Variants in MACROD2 observed in about 807,000 individuals in gnomAD.
MACROD2 encodes ADP-ribose glycohydrolase MACROD2.
Under a neutral mutation model 70.4 loss-of-function variants are expected in MACROD2, and 36 were observed. The ratio of observed to expected loss-of-function variants is 0.51; its 90% CI spans 0.39 to 0.68. The LOEUF is 0.68. MACROD2 is among the 30% of genes least tolerant of loss of function. The pLI is 0.00. For missense variants in MACROD2, 496 were observed against 538.4 expected (o/e 0.92, Z 0.78); for synonymous variants, 172 against 178.8 (o/e 0.96, Z 0.30).
chr20:15,967,699 A>C (rs911480304), intron 13 of MACROD2, 69 bp downstream of exon 13: 31 of 1,291,022 alleles, frequency 2.4e-5, no homozygotes, highest in African/African-American at 1.8e-4. Flanking sequence ...AAAAAAAAAA[A>C]AACCCACAGA....
chr20:16,042,098 A>G (rs552810161), intron 16 of MACROD2, among the ~76,000 whole-genome samples: 1 of 152,188 alleles, frequency 6.6e-6, no homozygotes, highest in South Asian at 2.1e-4. Flanking sequence ...AATTTAGCCA[A>G]TGGTGGATGT....
rs4405821 is a variant in MACROD2, at chr20:14,027,319, C to G, written c.163+24915C>G. 2.0e-5 allele frequency among the ~76,000 whole-genome samples: 3 copies of G among 151,752 alleles called. No individual in the cohort carries two copies. In the South Asian group the frequency reaches 6.2e-4, roughly 31 times the overall value. On this transcript the variant is annotated intron_variant, in intron 2 of 17. Transcript: ENST00000684519. The stretch of plus-strand genomic sequence containing the variant: ...GTTTTTCAGCTCCATCAGGTCATTT[C>G]TGTTTTTCTCTAAACTGGTTATTCT...
At chr20:15,473,372 G>T (rs1254375109) in intron 7 of MACROD2, among the ~76,000 whole-genome samples, 1 of 152,146 alleles carries the variant, frequency 6.6e-6, no homozygotes, top group African/African-American at 2.4e-5. Context: ...TGAAAGGGCT[G>T]GGATTATAAG....
At chr20:14,468,758 C>T (rs2084490351) in intron 3 of MACROD2, among the ~76,000 whole-genome samples, 1 of 152,072 alleles carries the variant, frequency 6.6e-6, no homozygotes, top group African/African-American at 2.4e-5. Context: ...GATCCACCCG[C>T]CTTGGCCTCC....
At chr20:14,215,526 C>G (rs568851121) in intron 3 of MACROD2, among the ~76,000 whole-genome samples, 2 of 152,240 alleles carry the variant, frequency 1.3e-5, no homozygotes, top group East Asian at 1.9e-4. Context: ...GGTACCCCCC[C>G]AGTAATGGGA....
At chr20:15,968,543 C>G (rs1042245690) in intron 13 of MACROD2, among the ~76,000 whole-genome samples, 9 of 151,498 alleles carry the variant, frequency 5.9e-5, no homozygotes, top group Admixed American at 1.3e-4. Flanking sequence ...ATTAAATGTA[C>G]AAAAATGTTG....
chr20:15,632,112 C>T (rs2049299414), intron 8 of MACROD2, among the ~76,000 whole-genome samples: 2 of 151,408 alleles, frequency 1.3e-5, no homozygotes, highest in Non-Finnish European at 2.9e-5. Context: ...GCACTCCAGC[C>T]TGGGCAACAA....
rs138443557 is a variant in MACROD2, at chr20:14,080,107, G to T, written c.164-5514G>T. ...CTATAGTTCTTATAGGAAAAATATG[G>T]TAGTGCTTGGCTTGACTTTTAATCT... On this transcript the variant is annotated intron_variant, in intron 2 of 17. Coordinates refer to ENST00000684519, the MANE Select transcript of MACROD2 (RefSeq NM_001351661.2). Among the ~76,000 whole-genome samples, 108 of 152,194 alleles carry T rather than the reference G, an allele frequency of 7.1e-4. 1 individual carries two copies. The highest frequency in any genetic ancestry group is 2.5e-3 in the African/African-American group (102 of 41,550).
chr20:15,018,946 G>A (rs544745022), intron 5 of MACROD2, among the ~76,000 whole-genome samples: 9 of 152,240 alleles, frequency 5.9e-5, no homozygotes, highest in Admixed American at 1.3e-4. Context: ...GGCATCCCTC[G>A]AAGCTGAGCA....
At chr20:14,627,478 T>A (rs970230929) in intron 4 of MACROD2, among the ~76,000 whole-genome samples, 3 of 152,124 alleles carry the variant, frequency 2.0e-5, no homozygotes, top group African/African-American at 7.2e-5. Context: ...GCCTTGTAGT[T>A]CACCTTCTCC....
intron 5 of MACROD2, among the ~76,000 whole-genome samples, chr20:14,727,445 G>C (rs2071543353): frequency 6.6e-6 from 1 of 151,978 alleles, no homozygotes; most frequent in Non-Finnish European, 1.5e-5. Context: ...TGAGGTAGGA[G>C]GATCATTTGA....
At chr20:14,908,194 A>C (rs2073982752) in intron 5 of MACROD2, among the ~76,000 whole-genome samples, 1 of 151,992 alleles carries the variant, frequency 6.6e-6, no homozygotes, top group African/African-American at 2.4e-5. Flanking sequence ...CAATACAAAA[A>C]TTAGCTGGGC....
intron 2 of MACROD2, among the ~76,000 whole-genome samples, chr20:14,071,140 A>G (rs2053831521): frequency 6.6e-6 from 1 of 152,160 alleles, no homozygotes; most frequent in Non-Finnish European, 1.5e-5. Context: ...GAAGTTTGAA[A>G]TGTAAAATAT....
At chr20:15,842,787 C>A (rs991682158) in intron 8 of MACROD2, among the ~76,000 whole-genome samples, 1 of 151,738 alleles carries the variant, frequency 6.6e-6, no homozygotes, top group Non-Finnish European at 1.5e-5. Flanking sequence ...GGTTTGGACA[C>A]AGTGCATATA....
At chr20:14,949,559 A>G (rs2074459023) in intron 5 of MACROD2, among the ~76,000 whole-genome samples, 1 of 152,170 alleles carries the variant, frequency 6.6e-6, no homozygotes. Flanking sequence ...ACATCAAGCT[A>G]ACAGTTAATA....
intron 8 of MACROD2, among the ~76,000 whole-genome samples, chr20:15,799,549 C>T (rs1202474336): frequency 6.6e-6 from 1 of 152,168 alleles, no homozygotes; most frequent in Non-Finnish European, 1.5e-5. Context: ...CAGTATTTGT[C>T]TTTTTGTGTC....
chr20:14,940,383 T>C lies in MACROD2; in HGVS notation c.418+255424T>C, dbSNP rs572425284. ...ACGCAAACACAAACCAATCTGGATG[T>C]CTTTTATTTCTTTATCTTGCCCAAG... On this transcript the variant is annotated intron_variant, in intron 5 of 17. Transcript: ENST00000684519. Among the ~76,000 whole-genome samples, 452 of 152,182 alleles carry C rather than the reference T, an allele frequency of 3.0e-3. 3 individuals are homozygous for C. Among genetic ancestry groups the C allele is most frequent in the African/African-American group, 0.01 (423 of 41,546 alleles).
chr20:14,712,427 G>C lies in MACROD2; in HGVS notation c.418+27468G>C, dbSNP rs2071349193. ...TAAAAAGTGATTAATAGATACCGCG[G>C]GTTGGAACAGGCTGGCATTCGTCTG... On this transcript the variant is annotated intron_variant, in intron 5 of 17. Coordinates refer to ENST00000684519, the MANE Select transcript of MACROD2 (RefSeq NM_001351661.2). Among the ~76,000 whole-genome samples, 4 of 152,102 alleles carry C rather than the reference G, an allele frequency of 2.6e-5. No individual in the cohort carries two copies. In the South Asian group the frequency reaches 8.3e-4, roughly 31 times the overall value.
At chr20:15,057,425 G>A (rs1252915954) in intron 5 of MACROD2, among the ~76,000 whole-genome samples, 2 of 152,146 alleles carry the variant, frequency 1.3e-5, no homozygotes, top group Admixed American at 1.3e-4. Flanking sequence ...ATAATTCAGA[G>A]ATCAGATTAT....
Sources: gnomAD v4.1 joint callset for allele counts (sites outside exome capture counted in the v4.1 genomes callset) on GRCh38, gnomAD v4.1.1 for gene constraint, MANE v1.5 for transcripts, NCBI Gene and HGNC (gene_info 2026-07-23, HGNC 2026-07-21) for gene names.